The following SLC7A8 variants were observed in gnomAD, a reference collection of about 807,000 sequenced individuals.
The protein encoded by SLC7A8 is solute carrier family 7 member 8.
Under a neutral mutation model 51.2 loss-of-function variants are expected in SLC7A8, and 30 were observed. The ratio of observed to expected loss-of-function variants is 0.59; its 90% confidence interval spans 0.44 to 0.80. SLC7A8 has a LOEUF of 0.80. Ranked by LOEUF, SLC7A8 falls within the 30% of genes least tolerant of loss-of-function variation. The pLI is 0.00. For missense variants in SLC7A8, 612 were observed against 674.4 expected (o/e 0.91, Z 1.03); for synonymous variants, 257 against 275.8 (o/e 0.93, Z 0.67).
rs542896335 is a variant in SLC7A8, at chr14:23,127,653, A to G, written c.1442-310T>C. ...TGACAGGTTGCCTATTTTATTTTAA[A>G]ATTTTTAATAACAGAGATGGAGTCT... is the stretch of plus-strand genomic sequence containing the variant. On this transcript the variant is annotated intron_variant, in intron 10 of 10. Coordinates refer to ENST00000316902, the MANE Select transcript of SLC7A8 (RefSeq NM_012244.4). 2.6e-5 allele frequency among the ~76,000 whole-genome samples: 4 copies of G among 152,272 alleles called. No homozygotes were observed. The East Asian group carries it at 5.8e-4, about 22-fold the overall frequency.
intron 4 of SLC7A8, among the ~76,000 whole-genome samples, chr14:23,141,911 C>G (rs1368339153): frequency 2.6e-5 from 4 of 152,134 alleles, no homozygotes; most frequent in African/African-American, 9.7e-5. Context: ...AGTAACTGAT[C>G]ATATGTTACT....
chr14:23,148,936 A>C (rs2048822230), intron 3 of SLC7A8, among the ~76,000 whole-genome samples: 1 of 152,248 alleles, frequency 6.6e-6, no homozygotes, highest in African/African-American at 2.4e-5. Flanking sequence ...ATTATACAGA[A>C]AGACCAGACA....
chr14:23,164,872 A>G (rs1312934468), intron 3 of SLC7A8, among the ~76,000 whole-genome samples: 1 of 152,094 alleles, frequency 6.6e-6, no homozygotes, highest in Non-Finnish European at 1.5e-5. Context: ...CACGCCTGCA[A>G]TCCCAGCAAC....
Position 23,127,264 on chromosome 14 carries a change from A to T in SLC7A8, c.1521T>A (p.Ala507=). 6.2e-7 allele frequency: 1 copy of T among 1,614,070 alleles called. No individual in the cohort carries two copies. The highest frequency in any genetic ancestry group is 8.5e-7 in the Non-Finnish European group (1 of 1,179,976). The change falls in exon 11 of 11, where the codon GCT becomes GCA. Residue 507 remains alanine (A), a synonymous_variant. Transcript: ENST00000316902. ...GCTGCTGCTCCTCCATGTCCTCATT[A>T]GCCTCCTCTGTCCCTGAGCCCCGCT... The part of the protein sequence containing the change: ...EVERGSGTEE[A]NEDMEEQQQP...
Position 23,129,754 on chromosome 14 carries a change from G to A in SLC7A8, c.1159C>T (p.Leu387Phe), listed in dbSNP as rs749809601. 2 of 1,614,070 alleles carry A rather than the reference G, an allele frequency of 1.2e-6. No homozygotes were observed. The highest frequency in any genetic ancestry group is 1.7e-6 in the Non-Finnish European group (2 of 1,180,026). ...TTGATGAAGCCCACATAGTTGATGA[G>A]TGTGTACATGTCGCTGGTGACCAGC... ...LMLVTSDMYT[L>F]INYVGFINYL... The change falls in exon 9 of 11, where the codon CTC (leucine) becomes TTC (phenylalanine). Residue 387 changes from leucine to phenylalanine, a missense_variant. By Grantham distance (22) the Leu-to-Phe change is conservative. Transcript: ENST00000316902.
intron 1 of SLC7A8, among the ~76,000 whole-genome samples, chr14:23,169,026 C>T (rs2048963464): frequency 6.6e-6 from 1 of 152,062 alleles, no homozygotes; most frequent in South Asian, 2.1e-4. Flanking sequence ...GTTTCTGCCC[C>T]CAAAACCTTA....
At position 23,137,959 on chromosome 14, in the gene SLC7A8, T is replaced by C. The variant is rs146776502; in HGVS notation, c.978A>G (p.Thr326=). Residue 326 remains threonine, a synonymous_variant, in exon 7 of 11, where the codon ACA becomes ACG. Transcript: ENST00000316902. ...AGAGAGACCCATTAACTCCTCCAAA[T>C]GTGGACAGGGCAACAGAAATGGGCA... ...WIMPISVALS[T]FGGVNGSLFT... is the part of the protein sequence containing the mutation. 381 of 1,613,212 alleles carry C rather than the reference T, an allele frequency of 2.4e-4. 1 individual carries two copies. Among genetic ancestry groups the C allele is most frequent in the Non-Finnish European group, 3.1e-4 (363 of 1,179,904 alleles).
chr14:23,159,692 T>C (rs1031023061), intron 3 of SLC7A8, among the ~76,000 whole-genome samples: 3 of 152,208 alleles, frequency 2.0e-5, no homozygotes, highest in African/African-American at 7.2e-5. Context: ...GCAAAACAAC[T>C]CACGAGTTTC....
At chr14:23,147,831 G>C (rs2140320235) in intron 3 of SLC7A8, among the ~76,000 whole-genome samples, 1 of 152,332 alleles carries the variant, frequency 6.6e-6, no homozygotes, top group African/African-American at 2.4e-5. Flanking sequence ...GGCAGGAGGA[G>C]GAAAACTCAG....
intron 3 of SLC7A8, among the ~76,000 whole-genome samples, chr14:23,151,860 T>G (rs1161152853): frequency 1.3e-5 from 2 of 151,788 alleles, no homozygotes; most frequent in Non-Finnish European, 2.9e-5. Flanking sequence ...GTTCAGGAGT[T>G]TAAGACCAGC....
At chr14:23,129,851 G>T in intron 8 of SLC7A8, 52 bp from the exon 9 acceptor site, 1 of 1,600,510 alleles carries the variant, frequency 6.2e-7, no homozygotes, top group Non-Finnish European at 8.5e-7. Flanking sequence ...TCAGAGACTG[G>T]TATTACAGAT....
chr14:23,153,042 A>G (rs561937734), intron 3 of SLC7A8, among the ~76,000 whole-genome samples: 8 of 152,138 alleles, frequency 5.3e-5, no homozygotes, highest in Non-Finnish European at 8.8e-5. Context: ...CCTGCGCCCT[A>G]CCACCCAAGG....
chr14:23,139,180 C>T (rs2048718341), intron 6 of SLC7A8, among the ~76,000 whole-genome samples: 1 of 152,122 alleles, frequency 6.6e-6, no homozygotes, highest in South Asian at 2.1e-4. Flanking sequence ...TCTCAGGCCA[C>T]GCGGTCTCTG....
chr14:23,160,687 A>G (rs534576643), intron 3 of SLC7A8, among the ~76,000 whole-genome samples: 29 of 152,238 alleles, frequency 1.9e-4, no homozygotes, highest in African/African-American at 6.7e-4. Context: ...CTAGGACTGC[A>G]GCTACTGGCC....
intron 6 of SLC7A8, 137 bp downstream of exon 6, chr14:23,139,287 T>C: frequency 1.5e-6 from 2 of 1,342,764 alleles, no homozygotes; most frequent in African/African-American, 1.4e-5. Flanking sequence ...CAATGACATA[T>C]GTGGTTTCTG....
intron 4 of SLC7A8, 31 bp from the exon 5 acceptor site, chr14:23,140,655 G>A (rs1334415462): frequency 2.5e-6 from 4 of 1,593,884 alleles, no homozygotes; most frequent in Admixed American, 1.7e-5. Context: ...AGGCCGCTCA[G>A]TGAGACAAGT....
At chr14:23,137,043 T>A (rs2048696666) in intron 7 of SLC7A8, among the ~76,000 whole-genome samples, 1 of 152,242 alleles carries the variant, frequency 6.6e-6, no homozygotes, top group Non-Finnish European at 1.5e-5. Context: ...GACTCATCTT[T>A]GGAGCAGGAC....
intron 3 of SLC7A8, among the ~76,000 whole-genome samples, chr14:23,157,996 G>T (rs993911922): frequency 6.6e-6 from 1 of 152,194 alleles, no homozygotes; most frequent in South Asian, 2.1e-4. Context: ...AATAACGTAT[G>T]ACTGATTGTG....
intron 4 of SLC7A8, among the ~76,000 whole-genome samples, chr14:23,141,504 C>T (rs560614522): frequency 6.6e-6 from 1 of 152,290 alleles, no homozygotes; most frequent in East Asian, 1.9e-4. Flanking sequence ...GGCTGGAGTG[C>T]AGTGGCGCGA....
Sources: allele counts gnomAD v4.1 joint callset (sites outside exome capture counted in the v4.1 genomes callset), GRCh38; gene constraint gnomAD v4.1.1; transcripts MANE v1.5; gene names NCBI Gene and HGNC (gene_info 2026-07-23, HGNC 2026-07-21).